MYRIP: variants seen among roughly 807,000 people sequenced by gnomAD.
MYRIP encodes the protein rab effector MyRIP.
In MYRIP, 49 loss-of-function variants were observed where a neutral mutation model predicts 98.0. The observed-to-expected ratio is 0.50, with a 90% CI of 0.40 to 0.63. The LOEUF (loss-of-function observed/expected upper bound fraction) is 0.63, where lower values mean the gene tolerates loss of function less well. MYRIP is among the 30% of genes least tolerant of loss of function. The probability of loss-of-function intolerance (pLI) is 0.00; values close to 1 mark genes in which losing one functional copy is unlikely to be tolerated. For missense variants in MYRIP, 1,004 were observed against 1,058.2 expected (o/e 0.95, Z 0.71); for synonymous variants, 404 against 409.5 (o/e 0.99, Z 0.16).
At position 40,190,032 on chromosome 3, in the gene MYRIP, C is replaced by A. The variant is rs759076228; in HGVS notation, c.1234C>A (p.Pro412Thr). 28 of 1,613,976 alleles carry A rather than the reference C, an allele frequency of 1.7e-5. No individual in the cohort carries two copies. In the African/African-American group the frequency reaches 3.3e-4, roughly 19 times the overall value. The change falls in exon 10 of 17, where the codon CCC becomes ACC. Residue 412 changes from proline (P) to threonine (T), a missense_variant. By Grantham distance (38) the Pro-to-Thr change is conservative. Coordinates refer to ENST00000302541, the MANE Select transcript of MYRIP (RefSeq NM_015460.4). ...GAGTGAGGCCTTGAGCAAGCTGTGT[C>A]CCAGGTCCCGGGCCCTGCCCAGGAA... ...DWSEALSKLC[P>T]RSRALPRNPQ...
intron 11 of MYRIP, among the ~76,000 whole-genome samples, chr3:40,233,273 A>G (rs1178336756): frequency 6.6e-6 from 1 of 152,222 alleles, no homozygotes; most frequent in African/African-American, 2.4e-5. Flanking sequence ...AGCAAGCAAG[A>G]GAGAATGGGC....
chr3:39,965,138 A>G (rs1426441413), intron 2 of MYRIP, among the ~76,000 whole-genome samples: 1 of 152,104 alleles, frequency 6.6e-6, no homozygotes. Flanking sequence ...TCACAAATGC[A>G]TACAGTGCAT....
intron 1 of MYRIP, among the ~76,000 whole-genome samples, chr3:39,823,908 C>T (rs1165789110): frequency 1.3e-5 from 2 of 151,950 alleles, no homozygotes; most frequent in Non-Finnish European, 2.9e-5. Context: ...CTTTTGAAGT[C>T]TTATCCATAA....
intron 2 of MYRIP, among the ~76,000 whole-genome samples, chr3:39,994,593 G>C (rs1394902888): frequency 1.3e-5 from 2 of 152,230 alleles, no homozygotes; most frequent in African/African-American, 4.8e-5. Flanking sequence ...GCCTGCCTCT[G>C]TAGACTCCAC....
At chr3:40,060,589 C>CTT (rs200874325) in intron 3 of MYRIP, among the ~76,000 whole-genome samples, 1,632 of 89,334 alleles carry the variant, frequency 0.018, 33 homozygotes, top group African/African-American at 0.059. Flanking sequence ...CTTTTTTTTT[C>CTT]TTTTTTTGAG....
At position 39,940,191 on chromosome 3, in the gene MYRIP, C is replaced by T. The variant is rs569746296; in HGVS notation, c.110+39265C>T. 4.3e-4 allele frequency among the ~76,000 whole-genome samples: 65 copies of T among 152,040 alleles called. No individual in the cohort carries two copies. In the South Asian group the frequency reaches 7.7e-3, roughly 18 times the overall value. ...GAAATACACACAATGATATCATTAG[C>T]TATTTTTTTGTGCATGCATTTTGAA... On this transcript the variant is annotated intron_variant, in intron 2 of 16. Transcript: ENST00000302541.
chr3:39,841,967 T>C (rs1941814954), intron 1 of MYRIP, among the ~76,000 whole-genome samples: 1 of 152,158 alleles, frequency 6.6e-6, no homozygotes, highest in Non-Finnish European at 1.5e-5. Flanking sequence ...GTCTGTCCCT[T>C]AGCAGAGCTT....
intron 3 of MYRIP, among the ~76,000 whole-genome samples, chr3:40,138,172 C>T (rs1269116830): frequency 6.6e-6 from 1 of 152,228 alleles, no homozygotes; most frequent in African/African-American, 2.4e-5. Context: ...GCACATATCC[C>T]CTCCTAAGAA....
intron 10 of MYRIP, among the ~76,000 whole-genome samples, chr3:40,204,008 T>A (rs866143777): frequency 3.8e-4 from 1 of 2,638 alleles, no homozygotes; most frequent in Non-Finnish European, 1.5e-3. Flanking sequence ...TATTATATAT[T>A]ATATATAATA....
At chr3:40,252,715 C>T (rs796638506) in intron 16 of MYRIP, among the ~76,000 whole-genome samples, 14 of 152,276 alleles carry the variant, frequency 9.2e-5, no homozygotes, top group African/African-American at 2.9e-4. Context: ...GCATGAGTAG[C>T]GGTCACAAGC....
intron 3 of MYRIP, among the ~76,000 whole-genome samples, chr3:40,125,615 C>A (rs115226134): frequency 6.4e-4 from 98 of 152,336 alleles, no homozygotes; most frequent in African/African-American, 2.3e-3. Flanking sequence ...TATTAACCAT[C>A]ACGCTAGCTA....
At chr3:40,114,845 A>G (rs1949237939) in intron 3 of MYRIP, among the ~76,000 whole-genome samples, 1 of 152,262 alleles carries the variant, frequency 6.6e-6, no homozygotes, top group South Asian at 2.1e-4. Flanking sequence ...TGTCAAAATT[A>G]CAAATGCATA....
rs142061558 is a variant in MYRIP at position 40,178,856 on chromosome 3, C to T, written c.874-3364C>T. Reference sequence around the variant, plus strand: ...GGGCCTATCTGAAGGCCCAAATTCTCAAGTTCATCAATGCAAGGGATTGCT... The same window carrying T: ...GGGCCTATCTGAAGGCCCAAATTCTTAAGTTCATCAATGCAAGGGATTGCT... On this transcript the variant is annotated intron_variant, in intron 8 of 16. Transcript: ENST00000302541. Among the ~76,000 whole-genome samples, 348 of 152,146 alleles carry T rather than the reference C, an allele frequency of 2.3e-3. 1 individual carries two copies. Among genetic ancestry groups the T allele is most frequent in the Middle Eastern group, 0.017 (5 of 294 alleles).
At chr3:40,182,772 T>C (rs989300148) in intron 9 of MYRIP, among the ~76,000 whole-genome samples, 1 of 152,210 alleles carries the variant, frequency 6.6e-6, no homozygotes, top group African/African-American at 2.4e-5. Flanking sequence ...CAACCTCTCA[T>C]GGCATTTCAA....
chr3:39,870,477 T>C (rs1942753484), intron 1 of MYRIP, among the ~76,000 whole-genome samples: 1 of 152,266 alleles, frequency 6.6e-6, no homozygotes, highest in Non-Finnish European at 1.5e-5. Context: ...TACTTACTGA[T>C]ATTTTCTTCT....
At chr3:40,098,823 G>A (rs779458720) in intron 3 of MYRIP, among the ~76,000 whole-genome samples, 1 of 131,452 alleles carries the variant, frequency 7.6e-6, no homozygotes, top group Non-Finnish European at 1.6e-5. Flanking sequence ...AAATATCTGG[G>A]ATTATTATTG....
chr3:39,877,705 T>G (rs1943038105), intron 1 of MYRIP, among the ~76,000 whole-genome samples: 1 of 152,094 alleles, frequency 6.6e-6, no homozygotes, highest in African/African-American at 2.4e-5. Flanking sequence ...CTCTGGAAGT[T>G]TTGTCTCAGA....
intron 2 of MYRIP, among the ~76,000 whole-genome samples, chr3:39,996,066 C>G (rs2125778177): frequency 6.6e-6 from 1 of 152,286 alleles, no homozygotes; most frequent in South Asian, 2.1e-4. Context: ...CGGTACCAGC[C>G]ACTGCAAAAA....
At chr3:39,998,288 A>G (rs9878011) in intron 2 of MYRIP, among the ~76,000 whole-genome samples, 15,379 of 152,232 alleles carry the variant, frequency 0.1, 1,352 homozygotes, top group African/African-American at 0.23. Flanking sequence ...AAACACCATC[A>G]TCTCAGCCCA....
Sources: allele counts gnomAD v4.1 joint callset (sites outside exome capture counted in the v4.1 genomes callset), GRCh38; gene constraint gnomAD v4.1.1; transcripts MANE v1.5; gene names NCBI Gene and HGNC (gene_info 2026-07-23, HGNC 2026-07-21).